ABCA13: variants seen among roughly 807,000 people sequenced by gnomAD.
ABCA13 encodes the protein ATP-binding cassette sub-family A member 13.
A neutral mutation model predicts 478.7 loss-of-function variants in ABCA13; 476 were observed. That is an observed-to-expected ratio of 0.99 (90% CI 0.92 to 1.07). ABCA13 has a LOEUF of 1.07. ABCA13 is among the 50% of genes least tolerant of loss of function. The pLI is 0.00. For missense variants in ABCA13, 6,060 were observed against 5,910.6 expected (o/e 1.03, Z -0.83); for synonymous variants, 2,252 against 2,158.9 (o/e 1.04, Z -1.20).
intron 10 of ABCA13, among the ~76,000 whole-genome samples, chr7:48,242,015 G>A (rs1377828060): frequency 6.6e-5 from 10 of 152,178 alleles, no homozygotes. Flanking sequence ...CAGCAAGGAT[G>A]CCTTGAAGTA....
At chr7:48,403,937 C>A (rs747136670) in intron 39 of ABCA13, 58 bp downstream of exon 39, 9 of 1,540,158 alleles carry the variant, frequency 5.8e-6, no homozygotes, top group Non-Finnish European at 7.1e-6. Flanking sequence ...GCAGGAAATG[C>A]ATTGCTACTG....
At chr7:48,188,377 T>C (rs1230892918) in intron 1 of ABCA13, among the ~76,000 whole-genome samples, 4 of 152,108 alleles carry the variant, frequency 2.6e-5, no homozygotes, top group Non-Finnish European at 5.9e-5. Context: ...CAGTAGCAGT[T>C]TTTCCAACTC....
intron 19 of ABCA13, among the ~76,000 whole-genome samples, chr7:48,286,174 GAC>G (rs1281066831): frequency 6.6e-6 from 1 of 152,126 alleles, no homozygotes; most frequent in East Asian, 1.9e-4. Flanking sequence ...AACCCACACT[GAC>G]ACAGCATCAT....
chr7:48,560,394 G>A (rs35072701), intron 55 of ABCA13, among the ~76,000 whole-genome samples: 4,908 of 152,268 alleles, frequency 0.032, 109 homozygotes, highest in South Asian at 0.085. Context: ...TGCTGCAGGG[G>A]TATGGGGGAG....
chr7:48,357,981 A>C (rs1350085226), intron 31 of ABCA13, among the ~76,000 whole-genome samples: 1 of 151,304 alleles, frequency 6.6e-6, no homozygotes, highest in Admixed American at 6.6e-5. Flanking sequence ...GTTTCTACTC[A>C]AAATACAAAA....
intron 55 of ABCA13, among the ~76,000 whole-genome samples, chr7:48,538,388 A>G (rs7788437): frequency 0.054 from 8,151 of 152,242 alleles, 244 homozygotes; most frequent in South Asian, 0.086. Flanking sequence ...GGTGTGAGCC[A>G]TCGCGCCCAG....
intron 42 of ABCA13, among the ~76,000 whole-genome samples, chr7:48,446,387 TAAA>T (rs1233064863): frequency 1.7e-5 from 2 of 116,974 alleles, no homozygotes; most frequent in Admixed American, 8.1e-5. Context: ...TCATGCCCTT[TAAA>T]AAAAAAAAAA....
intron 15 of ABCA13, among the ~76,000 whole-genome samples, chr7:48,260,656 G>A (rs1013476087): frequency 1.3e-4 from 20 of 151,978 alleles, no homozygotes; most frequent in Middle Eastern, 3.4e-3. Flanking sequence ...ACCCATACTT[G>A]TCAAACCTGT....
At chr7:48,481,689 G>A (rs988632213) in intron 46 of ABCA13, among the ~76,000 whole-genome samples, 2 of 113,442 alleles carry the variant, frequency 1.8e-5, no homozygotes, top group Admixed American at 8.8e-5. Context: ...TGTATTTTTA[G>A]TAGAGATGGG....
chr7:48,340,764 A>C (rs903346955), intron 29 of ABCA13, among the ~76,000 whole-genome samples: 1 of 152,156 alleles, frequency 6.6e-6, no homozygotes, highest in Non-Finnish European at 1.5e-5. Flanking sequence ...ACTACTTTTG[A>C]ATAAGTTTTC....
chr7:48,330,224 T>C (rs1317418965), intron 27 of ABCA13, among the ~76,000 whole-genome samples: 1 of 151,886 alleles, frequency 6.6e-6, no homozygotes, highest in Non-Finnish European at 1.5e-5. Context: ...TATCTATTCA[T>C]CCATTCACAT....
At chr7:48,587,095 G>A in intron 56 of ABCA13, 59 bp from the exon 57 acceptor site, 1 of 1,603,412 alleles carries the variant, frequency 6.2e-7, no homozygotes, top group South Asian at 1.1e-5. Flanking sequence ...ACTGAGACCA[G>A]CTGTCTGGTG....
chr7:48,527,009 G>T (rs1304671583), intron 54 of ABCA13, among the ~76,000 whole-genome samples: 2 of 152,102 alleles, frequency 1.3e-5, no homozygotes, highest in Non-Finnish European at 2.9e-5. Flanking sequence ...TTTCTAAAAA[G>T]AACTGAAAGG....
chr7:48,579,028 A>G (rs1292716852), intron 55 of ABCA13, among the ~76,000 whole-genome samples: 1 of 152,238 alleles, frequency 6.6e-6, no homozygotes, highest in Non-Finnish European at 1.5e-5. Context: ...CAAATTATAA[A>G]AGTTCTAGAA....
chr7:48,463,162 A>G (rs1037378088), intron 43 of ABCA13, among the ~76,000 whole-genome samples: 1 of 152,096 alleles, frequency 6.6e-6, no homozygotes, highest in Non-Finnish European at 1.5e-5. Flanking sequence ...GTATTCCTGC[A>G]GCACCTTTAT....
intron 42 of ABCA13, among the ~76,000 whole-genome samples, chr7:48,430,821 A>G (rs895818210): frequency 6.6e-6 from 1 of 151,614 alleles, no homozygotes; most frequent in Non-Finnish European, 1.5e-5. Context: ...GGTTTTATTG[A>G]TTTTTCTCTT....
At chr7:48,617,437 C>T (rs1329733314) in intron 59 of ABCA13, among the ~76,000 whole-genome samples, 1 of 152,102 alleles carries the variant, frequency 6.6e-6, no homozygotes, top group African/African-American at 2.4e-5. Context: ...TGAATTTGGG[C>T]AGGGATCTGG....
intron 43 of ABCA13, among the ~76,000 whole-genome samples, chr7:48,456,812 T>G (rs992076693): frequency 1.3e-5 from 2 of 152,148 alleles, no homozygotes. Flanking sequence ...TTATTTGTTT[T>G]TTTTTTCCTA....
At chr7:48,191,426 G>A (rs916113714) in intron 1 of ABCA13, among the ~76,000 whole-genome samples, 6 of 152,164 alleles carry the variant, frequency 3.9e-5, no homozygotes, top group East Asian at 1.9e-4. Context: ...AATTTGAGAC[G>A]GAGTCTCGCT....
Sources: gnomAD v4.1 joint callset for allele counts (sites outside exome capture counted in the v4.1 genomes callset) on GRCh38, gnomAD v4.1.1 for gene constraint, MANE v1.5 for transcripts, NCBI Gene and HGNC (gene_info 2026-07-23, HGNC 2026-07-21) for gene names.